The following DPP10 variants were observed in gnomAD, a reference collection of about 807,000 sequenced individuals.
DPP10 encodes inactive dipeptidyl peptidase 10.
In DPP10, 33 loss-of-function variants were observed where a neutral mutation model predicts 120.9. The observed-to-expected ratio is 0.27, with a 90% confidence interval of 0.21 to 0.37. DPP10 has a LOEUF of 0.37. Among genes scored for constraint, DPP10 ranks in the 10% least tolerant of loss-of-function variants. The pLI is 1.00. For missense variants in DPP10, 816 were observed against 942.8 expected (o/e 0.87, Z 1.76); for synonymous variants, 337 against 326.1 (o/e 1.03, Z -0.36).
chr2:115,043,887 A>T lies in DPP10; in HGVS notation c.61-265352A>T, dbSNP rs1704861562. Among the ~76,000 whole-genome samples, 3 of 152,092 alleles carry T rather than the reference A, an allele frequency of 2.0e-5. No individual in the cohort carries two copies. The South Asian group carries it at 6.2e-4, about 31-fold the overall frequency. ...GAGCAGAGGCAGTAATTTTTTAAAA[A>T]ATTTTTCTAATTTTTAATTTGTATA... On this transcript the variant is annotated intron_variant, in intron 1 of 25. Coordinates refer to ENST00000410059, the MANE Select transcript of DPP10 (RefSeq NM_020868.6).
At chr2:114,507,773 T>C (rs1683800889) in intron 1 of DPP10, among the ~76,000 whole-genome samples, 1 of 152,202 alleles carries the variant, frequency 6.6e-6, no homozygotes, top group Non-Finnish European at 1.5e-5. Context: ...TACTTCTTGA[T>C]ATCTAAAGTG....
intron 1 of DPP10, among the ~76,000 whole-genome samples, chr2:115,225,466 C>T (rs1035451842): frequency 2.0e-5 from 3 of 150,392 alleles, no homozygotes; most frequent in Middle Eastern, 3.2e-3. Flanking sequence ...CTTCGAAACA[C>T]TTATATATTG....
At chr2:115,767,554 TACAC>T (rs749325166) in intron 12 of DPP10, among the ~76,000 whole-genome samples, 1 of 151,624 alleles carries the variant, frequency 6.6e-6, no homozygotes, top group Non-Finnish European at 1.5e-5. Context: ...TGTGTATATA[TACAC>T]ACACATAAAT....
chr2:115,429,240 T>A (rs11123304), intron 3 of DPP10, among the ~76,000 whole-genome samples: 5 of 143,054 alleles, frequency 3.5e-5, no homozygotes, highest in Non-Finnish European at 7.7e-5. Flanking sequence ...TTAAAAAAAA[T>A]TAAAAATTGT....
rs144543092 is a variant in DPP10 at position 115,477,060 on chromosome 2, C to A, written c.272-22450C>A. ...CATGAGAAACCCATAGCACACATTA[C>A]TCGCAATGGTGAAATTGCTGAAAAA... On this transcript the variant is annotated intron_variant, in intron 3 of 25. Coordinates refer to ENST00000410059, the MANE Select transcript of DPP10 (RefSeq NM_020868.6). 7.4e-3 allele frequency among the ~76,000 whole-genome samples: 1,129 copies of A among 152,274 alleles called. 6 individuals carry two copies. Among genetic ancestry groups the A allele is most frequent in the African/African-American group, 0.025 (1,034 of 41,566 alleles).
intron 19 of DPP10, among the ~76,000 whole-genome samples, chr2:115,806,286 G>T (rs1685959690): frequency 6.6e-6 from 1 of 152,044 alleles, no homozygotes; most frequent in Non-Finnish European, 1.5e-5. Flanking sequence ...TTTTATAATT[G>T]TGTTCTCTCA....
chr2:114,515,324 C>A (rs1251738680), intron 1 of DPP10, among the ~76,000 whole-genome samples: 2 of 152,132 alleles, frequency 1.3e-5, no homozygotes, highest in African/African-American at 4.8e-5. Flanking sequence ...GTCTAATATA[C>A]CCTAGAATCT....
chr2:115,697,802 G>T (rs916518878), intron 7 of DPP10, among the ~76,000 whole-genome samples: 1 of 151,964 alleles, frequency 6.6e-6, no homozygotes, highest in African/African-American at 2.4e-5. Context: ...TGGCTAACAC[G>T]GTGAAACCCC....
intron 9 of DPP10, among the ~76,000 whole-genome samples, chr2:115,744,165 A>G (rs1025706959): frequency 2.0e-4 from 30 of 150,540 alleles, no homozygotes; most frequent in African/African-American, 7.0e-4. Context: ...TATAGGTTTC[A>G]GGTGGGGTCC....
At chr2:115,007,463 C>G (rs1701938374) in intron 1 of DPP10, among the ~76,000 whole-genome samples, 1 of 152,006 alleles carries the variant, frequency 6.6e-6, no homozygotes, top group Non-Finnish European at 1.5e-5. Context: ...AACCCACAGC[C>G]AATATCATAC....
At chr2:114,623,614 G>A (rs1694268042) in intron 1 of DPP10, among the ~76,000 whole-genome samples, 1 of 152,008 alleles carries the variant, frequency 6.6e-6, no homozygotes, top group Non-Finnish European at 1.5e-5. Context: ...AATTTTGTGT[G>A]AAAAGTCCTA....
At chr2:115,016,783 G>A (rs548217895) in intron 1 of DPP10, among the ~76,000 whole-genome samples, 9 of 151,920 alleles carry the variant, frequency 5.9e-5, no homozygotes, top group East Asian at 3.9e-4. Flanking sequence ...CACTATTCAC[G>A]ATGGCAAAGA....
At chr2:115,214,758 T>G (rs934920102) in intron 1 of DPP10, among the ~76,000 whole-genome samples, 1 of 152,196 alleles carries the variant, frequency 6.6e-6, no homozygotes, top group East Asian at 1.9e-4. Context: ...AGCCTGATTT[T>G]CTGTATCAAC....
At chr2:115,293,238 T>G (rs1259148708) in intron 1 of DPP10, among the ~76,000 whole-genome samples, 3 of 152,064 alleles carry the variant, frequency 2.0e-5, no homozygotes, top group Non-Finnish European at 2.9e-5. Context: ...AAAAGCTAAA[T>G]GAACATCCAG....
In DPP10 at chr2:115,800,754, G is replaced by C. The variant is rs547495420; in HGVS notation, c.1700+9398G>C. ...AAAGATCAGATAGTTGTAGATATAC[G>C]GCATTATTTCTGAGGCTCTGTTCTG... is the stretch of plus-strand genomic sequence containing the variant. On this transcript the variant is annotated intron_variant, in intron 19 of 25. Transcript: ENST00000410059. 3.9e-5 allele frequency among the ~76,000 whole-genome samples: 6 copies of C among 152,130 alleles called. No individual in the cohort carries two copies. In the East Asian group the frequency reaches 1.2e-3, roughly 29 times the overall value.
chr2:115,305,412 G>C (rs1276001531), intron 1 of DPP10, among the ~76,000 whole-genome samples: 1 of 152,002 alleles, frequency 6.6e-6, no homozygotes, highest in Non-Finnish European at 1.5e-5. Flanking sequence ...AAGAGAACAA[G>C]AGATTGTTAA....
At chr2:114,555,484 T>C (rs1010564708) in intron 1 of DPP10, among the ~76,000 whole-genome samples, 1 of 152,154 alleles carries the variant, frequency 6.6e-6, no homozygotes, top group African/African-American at 2.4e-5. Context: ...GAAATAACTG[T>C]ATGGGTATTT....
intron 1 of DPP10, among the ~76,000 whole-genome samples, chr2:115,146,864 A>T (rs1176059341): frequency 6.6e-6 from 1 of 152,124 alleles, no homozygotes; most frequent in African/African-American, 2.4e-5. Context: ...ATAAACTAGA[A>T]AGTGGACCCT....
At chr2:115,339,791 G>A (rs927666993) in intron 2 of DPP10, among the ~76,000 whole-genome samples, 1 of 152,162 alleles carries the variant, frequency 6.6e-6, no homozygotes, top group African/African-American at 2.4e-5. Context: ...GTAGTGGTTG[G>A]TTGCCAAGGG....
Sources: allele counts gnomAD v4.1 joint callset (sites outside exome capture counted in the v4.1 genomes callset), GRCh38; gene constraint gnomAD v4.1.1; transcripts MANE v1.5; gene names NCBI Gene and HGNC (gene_info 2026-07-23, HGNC 2026-07-21).